The following ERI3 variants were observed in gnomAD, a reference collection of about 807,000 sequenced individuals.
ERI3 encodes ERI1 exoribonuclease family member 3, also known as ERI1 exoribonuclease 3.
Under a neutral mutation model 44.4 loss-of-function variants are expected in ERI3, and 18 were observed. The observed-to-expected ratio is 0.41, with a 90% CI of 0.28 to 0.60. ERI3 has a LOEUF of 0.60. Ranked by LOEUF, ERI3 falls within the 20% of genes least tolerant of loss-of-function variation. The pLI is 0.36. For missense variants in ERI3, 294 were observed against 435.5 expected (o/e 0.68, Z 2.89); for synonymous variants, 183 against 164.8 (o/e 1.11, Z -0.84).
At chr1:44,329,998 CAACT>C (rs1044068618) in intron 3 of ERI3, among the ~76,000 whole-genome samples, 6 of 152,194 alleles carry the variant, frequency 3.9e-5, no homozygotes, top group African/African-American at 9.7e-5. Context: ...CATCGCCAAC[CAACT>C]AACATCCTAG....
chr1:44,334,175 C>T (rs189127648), intron 3 of ERI3, among the ~76,000 whole-genome samples: 13 of 152,350 alleles, frequency 8.5e-5, no homozygotes, highest in Non-Finnish European at 1.5e-4. Flanking sequence ...GCTGCACCCT[C>T]CCTCCCTGGT....
rs186938523 is a variant in ERI3, at chr1:44,285,465, T to C, written c.759-558A>G. 7.2e-4 allele frequency among the ~76,000 whole-genome samples: 110 copies of C among 152,370 alleles called. No homozygotes were observed. The South Asian group carries it at 7.9e-3, about 11-fold the overall frequency. ...ACTTAGAGATAGATGAGCAGGGGTTTCAGCTCACATTTAAGCCTCTGGCTA... is the reference window on the plus strand; with the variant it reads ...ACTTAGAGATAGATGAGCAGGGGTTCCAGCTCACATTTAAGCCTCTGGCTA... On this transcript the variant is annotated intron_variant, in intron 6 of 8. Transcript: ENST00000372257.
rs564953349 is a variant in ERI3 at position 44,221,440 on chromosome 1, G to A, written c.*118C>T. On this transcript the variant is annotated 3_prime_UTR_variant, in exon 9 of 9. Transcript: ENST00000372257. This position sits in a 1 kb window ranked among gnomAD's most constrained non-coding sequence, Gnocchi z 5.9. ...AAGGGCATGAGCCCACAGGGCAGCT[G>A]GGGACACTCTGGACACAGAGCTATG... 12 of 855,834 alleles carry A rather than the reference G, an allele frequency of 1.4e-5. No individual in the cohort carries two copies. Among genetic ancestry groups the A allele is most frequent in the Non-Finnish European group, 2.2e-5 (12 of 534,946 alleles). The allele number at this position is 855,834 out of a possible 1,614,324, so 53.0% of individuals were successfully genotyped here. A position where few individuals can be genotyped will look rare whatever the true frequency, so the allele number is the denominator to read the frequency against.
chr1:44,341,094 C>T (rs145135717), intron 2 of ERI3, among the ~76,000 whole-genome samples: 108 of 152,282 alleles, frequency 7.1e-4, no homozygotes, highest in African/African-American at 2.5e-3. Context: ...ACAGAATATG[C>T]GTAGTATATA....
chr1:44,326,319 C>T (rs1000864081), intron 3 of ERI3, among the ~76,000 whole-genome samples: 2 of 152,192 alleles, frequency 1.3e-5, no homozygotes, highest in African/African-American at 2.4e-5. Context: ...ATCAAGAAGC[C>T]TCCTGGCCAC....
At chr1:44,316,770 T>G (rs1047116440) in intron 4 of ERI3, among the ~76,000 whole-genome samples, 1 of 152,162 alleles carries the variant, frequency 6.6e-6, no homozygotes. Flanking sequence ...TCTCTAGTTT[T>G]TTTTTCATGA....
At chr1:44,225,390 A>G (rs1644013101) in intron 8 of ERI3, among the ~76,000 whole-genome samples, 1 of 152,162 alleles carries the variant, frequency 6.6e-6, no homozygotes. Flanking sequence ...GGCCTCCCAA[A>G]GGGCTGGGAT....
chr1:44,308,280 T>C, intron 6 of ERI3, 30 bp downstream of exon 6: 1 of 1,529,242 alleles, frequency 6.5e-7, no homozygotes, highest in South Asian at 1.1e-5. Context: ...TTCCAAGCCC[T>C]GCCAGCAAAG....
intron 7 of ERI3, among the ~76,000 whole-genome samples, chr1:44,277,492 ACCT>A (rs1429660167): frequency 6.6e-6 from 1 of 151,650 alleles, no homozygotes; most frequent in Non-Finnish European, 1.5e-5. Context: ...AAGTTTCTCC[ACCT>A]CCTCATTTCT....
intron 3 of ERI3, among the ~76,000 whole-genome samples, chr1:44,333,600 A>C (rs929873431): frequency 6.6e-6 from 1 of 152,226 alleles, no homozygotes; most frequent in African/African-American, 2.4e-5. Flanking sequence ...CAGGGCGGGG[A>C]GGCAGCACGT....
chr1:44,238,011 T>A (rs1055308468), intron 8 of ERI3, among the ~76,000 whole-genome samples: 3 of 152,098 alleles, frequency 2.0e-5, no homozygotes, highest in African/African-American at 7.2e-5. Context: ...GCCTCACCCC[T>A]GCCCCAGAAT....
At chr1:44,280,816 G>A (rs1645269549) in intron 7 of ERI3, among the ~76,000 whole-genome samples, 1 of 152,184 alleles carries the variant, frequency 6.6e-6, no homozygotes, top group South Asian at 2.1e-4. Flanking sequence ...AAATCAAAGT[G>A]TGGTCTATAG....
At chr1:44,325,391 T>C (rs760729365) in intron 3 of ERI3, among the ~76,000 whole-genome samples, 36 of 151,834 alleles carry the variant, frequency 2.4e-4, no homozygotes, top group Non-Finnish European at 4.0e-4. Context: ...TGCTCTCTAA[T>C]TGCTCAGCTA....
intron 7 of ERI3, among the ~76,000 whole-genome samples, chr1:44,258,361 C>T (rs1371062821): frequency 2.0e-5 from 3 of 152,206 alleles, no homozygotes; most frequent in Non-Finnish European, 4.4e-5. Context: ...ACCCACCCAG[C>T]CACCCCTCAC....
At chr1:44,230,657 A>G (rs1026733909) in intron 8 of ERI3, among the ~76,000 whole-genome samples, 6 of 152,236 alleles carry the variant, frequency 3.9e-5, no homozygotes, top group Non-Finnish European at 7.3e-5. Context: ...ACGTGCCAGC[A>G]GACTATCTGG....
At chr1:44,309,642 G>A (rs1645911618) in intron 5 of ERI3, among the ~76,000 whole-genome samples, 1 of 151,672 alleles carries the variant, frequency 6.6e-6, no homozygotes, top group Admixed American at 6.6e-5. Flanking sequence ...TTGGCTCACT[G>A]CAAGCTCCGC....
At chr1:44,275,814 T>A (rs1250502942) in intron 7 of ERI3, among the ~76,000 whole-genome samples, 1 of 152,148 alleles carries the variant, frequency 6.6e-6, no homozygotes, top group Non-Finnish European at 1.5e-5. Context: ...TGACTCAGAA[T>A]CCTCCTAAGG....
intron 8 of ERI3, among the ~76,000 whole-genome samples, chr1:44,246,320 C>T (rs778070212): frequency 2.0e-5 from 3 of 152,218 alleles, no homozygotes; most frequent in Non-Finnish European, 4.4e-5. Context: ...GCCCAGCAAA[C>T]TCCTATTCAT....
chr1:44,249,227 G>A (rs754532512), intron 7 of ERI3, among the ~76,000 whole-genome samples: 2 of 152,170 alleles, frequency 1.3e-5, no homozygotes, highest in Non-Finnish European at 2.9e-5. Context: ...AGCGTACAGG[G>A]CAGTGGTCAG....
Sources: gnomAD v4.1 joint callset for allele counts (sites outside exome capture counted in the v4.1 genomes callset) on GRCh38, gnomAD v4.1.1 for gene constraint, Gnocchi (gnomAD v3.1) non-coding constraint, MANE v1.5 for transcripts, NCBI Gene and HGNC (gene_info 2026-07-23, HGNC 2026-07-21) for gene names.